SLC9A9: variants seen among roughly 807,000 people sequenced by gnomAD.
SLC9A9 encodes sodium/hydrogen exchanger 9.
In SLC9A9, 62 loss-of-function variants were observed where a neutral mutation model predicts 77.8. The observed-to-expected ratio is 0.80, with a 90% CI of 0.65 to 0.98. The LOEUF (loss-of-function observed/expected upper bound fraction) is 0.98, where lower values mean the gene tolerates loss of function less well. Among genes scored for constraint, SLC9A9 ranks in the 50% least tolerant of loss-of-function variants. The pLI is 0.00. For missense variants in SLC9A9, 775 were observed against 774.9 expected, an observed-to-expected ratio of 1.00 and a Z score of 0.00; for synonymous variants, 320 against 283.5, an observed-to-expected ratio of 1.13 and a Z score of -1.29.
At chr3:143,457,113 A>G (rs1233567267) in intron 12 of SLC9A9, among the ~76,000 whole-genome samples, 3 of 151,906 alleles carry the variant, frequency 2.0e-5, no homozygotes, top group African/African-American at 7.3e-5. Context: ...CCTGTCTTCC[A>G]GGCTCAAATG....
intron 4 of SLC9A9, among the ~76,000 whole-genome samples, chr3:143,694,261 G>A (rs1933562523): frequency 6.6e-6 from 1 of 152,090 alleles, no homozygotes; most frequent in East Asian, 1.9e-4. Context: ...TTTAAATTAC[G>A]TTAAAAAAAA....
chr3:143,783,309 C>T (rs1287826361), intron 4 of SLC9A9, among the ~76,000 whole-genome samples: 1 of 152,108 alleles, frequency 6.6e-6, no homozygotes, highest in Non-Finnish European at 1.5e-5. Flanking sequence ...GAACAACAGG[C>T]AACACTGAGG....
Position 143,848,211 on chromosome 3 carries a change from T to C in SLC9A9, c.112A>G (p.Ile38Val), listed in dbSNP as rs1221068318. Residue 38 changes from isoleucine to valine, a missense_variant, in exon 1 of 16, where the codon ATC becomes GTC. Coordinates refer to ENST00000316549, the MANE Select transcript of SLC9A9 (RefSeq NM_173653.4). Reference sequence around the variant, plus strand: ...AATCGATGATTTTTAAATAACCAGATTGTCAAAATGGTAAGGATGAGCAAA... The same window carrying C: ...AATCGATGATTTTTAAATAACCAGACTGTCAAAATGGTAAGGATGAGCAAA... ...NFLLILTILTIWLFKNHRFRF... is the reference protein window; with the variant it reads ...NFLLILTILTVWLFKNHRFRF... 6.2e-7 allele frequency: 1 copy of C among 1,613,978 alleles called. No individual in the cohort carries two copies. The highest frequency in any genetic ancestry group is 8.5e-7 in the Non-Finnish European group (1 of 1,179,906).
intron 9 of SLC9A9, among the ~76,000 whole-genome samples, chr3:143,520,502 G>A (rs1338095005): frequency 1.3e-5 from 2 of 152,164 alleles, no homozygotes; most frequent in African/African-American, 4.8e-5. Flanking sequence ...GTGGTATTCT[G>A]TTATAGCAGT....
At chr3:143,268,491 T>C (rs998251874) in intron 15 of SLC9A9, among the ~76,000 whole-genome samples, 7 of 152,046 alleles carry the variant, frequency 4.6e-5, no homozygotes. Context: ...CCCAGCACTT[T>C]GGGAGGTCGA....
At chr3:143,764,009 T>C (rs561589446) in intron 4 of SLC9A9, among the ~76,000 whole-genome samples, 4 of 152,230 alleles carry the variant, frequency 2.6e-5, no homozygotes, top group South Asian at 2.1e-4. Context: ...GACCATCACA[T>C]GTCATTTTGT....
chr3:143,815,543 T>C (rs1158511362), intron 2 of SLC9A9, among the ~76,000 whole-genome samples: 3 of 130,650 alleles, frequency 2.3e-5, no homozygotes, highest in African/African-American at 3.5e-5. Flanking sequence ...CTTTTTGCTA[T>C]TTTAAAAAAA....
intron 12 of SLC9A9, among the ~76,000 whole-genome samples, chr3:143,421,397 C>T (rs1264762521): frequency 1.3e-5 from 2 of 152,088 alleles, no homozygotes; most frequent in East Asian, 3.8e-4. Flanking sequence ...CAGCGTTGTA[C>T]TGGTACAAAA....
intron 4 of SLC9A9, among the ~76,000 whole-genome samples, chr3:143,738,576 C>G (rs564642245): frequency 6.6e-6 from 1 of 152,014 alleles, no homozygotes; most frequent in Non-Finnish European, 1.5e-5. Context: ...ACCAGGTATC[C>G]AACAATTAAA....
chr3:143,669,382 G>C (rs1347163432), intron 5 of SLC9A9, among the ~76,000 whole-genome samples: 1 of 152,160 alleles, frequency 6.6e-6, no homozygotes, highest in Non-Finnish European at 1.5e-5. Flanking sequence ...GTTCCCCAAA[G>C]CAGTGAGCCA....
intron 9 of SLC9A9, among the ~76,000 whole-genome samples, chr3:143,502,879 G>C (rs572674782): frequency 2.6e-5 from 4 of 151,756 alleles, no homozygotes; most frequent in African/African-American, 9.7e-5. Flanking sequence ...TTCCTAACTG[G>C]GAGCTTTCTA....
chr3:143,534,696 A>C, intron 9 of SLC9A9, among the ~76,000 whole-genome samples: 1 of 152,180 alleles, frequency 6.6e-6, no homozygotes. Flanking sequence ...GGGCAGATTT[A>C]ATAATTTCTT....
intron 11 of SLC9A9, among the ~76,000 whole-genome samples, chr3:143,491,769 T>C (rs1026734425): frequency 7.9e-5 from 12 of 152,204 alleles, no homozygotes; most frequent in Admixed American, 6.5e-4. Context: ...AATAAAGCAA[T>C]GTTTAAAATG....
At chr3:143,542,341 A>C (rs1305541704) in intron 9 of SLC9A9, among the ~76,000 whole-genome samples, 1 of 152,170 alleles carries the variant, frequency 6.6e-6, no homozygotes, top group Non-Finnish European at 1.5e-5. Flanking sequence ...TCTTTACAAA[A>C]GAAATGTAAT....
intron 14 of SLC9A9, among the ~76,000 whole-genome samples, chr3:143,331,775 G>T (rs892424595): frequency 1.3e-5 from 2 of 152,148 alleles, no homozygotes; most frequent in African/African-American, 4.8e-5. Context: ...GATGTGCATT[G>T]TATATTAGGG....
At chr3:143,781,650 A>G (rs1240230997) in intron 4 of SLC9A9, among the ~76,000 whole-genome samples, 1 of 152,262 alleles carries the variant, frequency 6.6e-6, no homozygotes, top group Non-Finnish European at 1.5e-5. Context: ...GAGGAAACAC[A>G]TGCAACCCCA....
intron 9 of SLC9A9, among the ~76,000 whole-genome samples, chr3:143,499,140 C>T (rs1576537764): frequency 6.6e-6 from 1 of 152,184 alleles, no homozygotes; most frequent in Admixed American, 6.5e-5. Context: ...TGAAATGACA[C>T]TTTTGCCTCT....
chr3:143,758,781 C>T (rs2007015133), intron 4 of SLC9A9, among the ~76,000 whole-genome samples: 1 of 152,046 alleles, frequency 6.6e-6, no homozygotes, highest in African/African-American at 2.4e-5. Context: ...TCCTCTGAAC[C>T]TTCCTCTAAG....
At chr3:143,430,214 T>C (rs1362473987) in intron 12 of SLC9A9, among the ~76,000 whole-genome samples, 1 of 152,162 alleles carries the variant, frequency 6.6e-6, no homozygotes, top group Non-Finnish European at 1.5e-5. Context: ...GGAAAACAGG[T>C]TGTGACCACC....
Sources: allele counts gnomAD v4.1 joint callset (sites outside exome capture counted in the v4.1 genomes callset), GRCh38; gene constraint gnomAD v4.1.1; transcripts MANE v1.5; gene names NCBI Gene and HGNC (gene_info 2026-07-23, HGNC 2026-07-21).